Variants in BNC2 observed in about 807,000 individuals in gnomAD.
BNC2 encodes zinc finger protein basonuclin-2.
A neutral mutation model predicts 76.3 loss-of-function variants in BNC2; 20 were observed. The ratio of observed to expected loss-of-function variants is 0.26; its 90% CI spans 0.18 to 0.38. BNC2 has a LOEUF of 0.38. BNC2 is among the 10% of genes least tolerant of loss of function. The pLI is 1.00. For missense variants in BNC2, 1,382 were observed against 1,399.8 expected, an observed-to-expected ratio of 0.99 and a Z score of 0.20; for synonymous variants, 582 against 514.8, an observed-to-expected ratio of 1.13 and a Z score of -1.77.
intron 1 of BNC2, among the ~76,000 whole-genome samples, chr9:16,841,750 T>C (rs1200434732): frequency 6.6e-6 from 1 of 151,806 alleles, no homozygotes. Flanking sequence ...GCATGCATGA[T>C]GACTGCCCAT....
intron 5 of BNC2, among the ~76,000 whole-genome samples, chr9:16,525,672 A>G (rs1817777184): frequency 6.6e-6 from 1 of 152,254 alleles, no homozygotes; most frequent in African/African-American, 2.4e-5. Flanking sequence ...CTGTTAAAAA[A>G]GAATGAGGTA....
intron 3 of BNC2, among the ~76,000 whole-genome samples, chr9:16,665,442 G>GAAAGA (rs1822253461): frequency 1.2e-5 from 1 of 83,244 alleles, no homozygotes; most frequent in South Asian, 4.7e-4. Flanking sequence ...AGAAAAGAAA[G>GAAAGA]AAAGAAAGAA....
intron 4 of BNC2, among the ~76,000 whole-genome samples, chr9:16,571,323 T>C (rs778825883): frequency 9.9e-5 from 15 of 152,218 alleles, no homozygotes; most frequent in Non-Finnish European, 1.8e-4. Context: ...TCTCACATTG[T>C]AGCAAGATTT....
intron 1 of BNC2, among the ~76,000 whole-genome samples, chr9:16,824,213 T>G (rs2135967302): frequency 1.3e-5 from 2 of 152,322 alleles, no homozygotes; most frequent in South Asian, 4.1e-4. Flanking sequence ...AATATACTAT[T>G]TATTGACTCT....
intron 5 of BNC2, among the ~76,000 whole-genome samples, chr9:16,471,351 T>G (rs912057686): frequency 4.6e-5 from 7 of 151,196 alleles, no homozygotes; most frequent in Non-Finnish European, 8.8e-5. Context: ...TGGAGTGCAG[T>G]GGCACGATCT....
chr9:16,765,977 C>CG (rs1240014353), intron 1 of BNC2, among the ~76,000 whole-genome samples: 2 of 151,878 alleles, frequency 1.3e-5, no homozygotes, highest in African/African-American at 4.8e-5. Flanking sequence ...TTAGTAGAGA[C>CG]GGGATTTCAC....
At chr9:16,510,558 T>A (rs1194495467) in intron 5 of BNC2, among the ~76,000 whole-genome samples, 2 of 152,224 alleles carry the variant, frequency 1.3e-5, no homozygotes, top group African/African-American at 2.4e-5. Context: ...GCTGTATATA[T>A]TTGCACCAGC....
intron 1 of BNC2, among the ~76,000 whole-genome samples, chr9:16,792,767 A>G (rs1018806551): frequency 6.6e-6 from 1 of 152,264 alleles, no homozygotes; most frequent in Non-Finnish European, 1.5e-5. Context: ...TGTAAAACCA[A>G]CAAACTTCAT....
intron 3 of BNC2, among the ~76,000 whole-genome samples, chr9:16,638,657 A>T (rs575408311): frequency 6.6e-6 from 1 of 152,294 alleles, no homozygotes; most frequent in Admixed American, 6.5e-5. Flanking sequence ...TCCACTCATA[A>T]AACTATAGTC....
chr9:16,502,391 G>A (rs1012692258), intron 5 of BNC2, among the ~76,000 whole-genome samples: 10 of 151,958 alleles, frequency 6.6e-5, no homozygotes, highest in Non-Finnish European at 1.5e-4. Context: ...ATATAGGATT[G>A]GGTTAATTTT....
chr9:16,741,129 G>A (rs1824836469), intron 1 of BNC2, among the ~76,000 whole-genome samples: 1 of 152,128 alleles, frequency 6.6e-6, no homozygotes, highest in Admixed American at 6.5e-5. Flanking sequence ...TGATAGGAAG[G>A]AATCGAGGAG....
chr9:16,730,436 C>T (rs1563918266), intron 2 of BNC2, among the ~76,000 whole-genome samples: 1 of 152,206 alleles, frequency 6.6e-6, no homozygotes, highest in Non-Finnish European at 1.5e-5. Context: ...CAATCTGTAA[C>T]AGAATTAGCC....
intron 5 of BNC2, among the ~76,000 whole-genome samples, chr9:16,503,806 A>G (rs1212018952): frequency 6.6e-6 from 1 of 152,166 alleles, no homozygotes; most frequent in Non-Finnish European, 1.5e-5. Flanking sequence ...TAAATACCTT[A>G]AGGACCATTA....
chr9:16,461,278 C>A (rs1821573914), intron 5 of BNC2, among the ~76,000 whole-genome samples: 1 of 152,036 alleles, frequency 6.6e-6, no homozygotes, highest in Middle Eastern at 3.2e-3. Context: ...TGTGTAAGAA[C>A]AAGAATGTGC....
intron 4 of BNC2, among the ~76,000 whole-genome samples, chr9:16,556,635 G>A (rs920536251): frequency 6.9e-6 from 1 of 144,820 alleles, no homozygotes; most frequent in Admixed American, 6.6e-5. Flanking sequence ...GGGCATGATG[G>A]TGCGCGCCTG....
intron 5 of BNC2, among the ~76,000 whole-genome samples, chr9:16,485,131 C>T (rs1467552727): frequency 6.6e-6 from 1 of 150,622 alleles, no homozygotes; most frequent in African/African-American, 2.5e-5. Context: ...CACACACACA[C>T]TATTTCTATT....
At chr9:16,822,663 G>T (rs1349771959) in intron 1 of BNC2, among the ~76,000 whole-genome samples, 1 of 152,154 alleles carries the variant, frequency 6.6e-6, no homozygotes, top group Non-Finnish European at 1.5e-5. Flanking sequence ...GCCCAAACGT[G>T]TCAAATGCAA....
intron 3 of BNC2, among the ~76,000 whole-genome samples, chr9:16,707,063 G>T (rs182590294): frequency 9.2e-5 from 14 of 152,118 alleles, no homozygotes; most frequent in South Asian, 2.1e-4. Context: ...TTAGCCGGGC[G>T]TGATGGTGGG....
intron 6 of BNC2, among the ~76,000 whole-genome samples, chr9:16,423,212 C>G (rs1432498067): frequency 6.6e-6 from 1 of 152,172 alleles, no homozygotes; most frequent in African/African-American, 2.4e-5. Flanking sequence ...GAATATTTAT[C>G]TCTAGGAAAG....
Sources: gnomAD v4.1 joint callset for allele counts (sites outside exome capture counted in the v4.1 genomes callset) on GRCh38, gnomAD v4.1.1 for gene constraint, MANE v1.5 for transcripts, NCBI Gene and HGNC (gene_info 2026-07-23, HGNC 2026-07-21) for gene names.